FCRL6: variants seen among roughly 807,000 people sequenced by gnomAD.
FCRL6 encodes Fc receptor-like protein 6.
FCRL6 carries 50 observed loss-of-function variants against 49.1 expected under a neutral mutation model. The observed-to-expected ratio is 1.02, with a 90% confidence interval of 0.81 to 1.29. FCRL6 has a LOEUF of 1.29. FCRL6 is among the 50% of genes most tolerant of loss of function. FCRL6 has a pLI of 0.00. For synonymous variants in FCRL6, 213 were observed against 199.6 expected (o/e 1.07, Z -0.57); for missense variants, 571 against 518.5 (o/e 1.10, Z -0.98).
intron 3 of FCRL6, 64 bp downstream of exon 3, chr1:159,808,508 G>A (rs572934645): frequency 3.1e-5 from 50 of 1,589,348 alleles, no homozygotes; most frequent in East Asian, 4.5e-5. Context: ...GTTTCTAGAG[G>A]TCAGTAGCTC....
rs1456871826 is a variant in FCRL6 at position 159,809,661 on chromosome 1, G to A, written c.864G>A (p.Glu288=). 1 of 1,613,920 alleles carries A rather than the reference G, an allele frequency of 6.2e-7. No homozygotes were observed. The highest frequency in any genetic ancestry group is 2.2e-5 in the East Asian group (1 of 44,866). ...ACAGTGTCTCCAGAGAGAGGAGTGA[G>A]CCCAAGAAGCTGTCTCTGAAGGGTG... ...AENSVSRERS[E]PKKLSLKGSQ... is the part of the protein sequence containing the mutation. Residue 288 remains glutamate, a synonymous_variant, in exon 5 of 10, where the codon GAG becomes GAA. Transcript: ENST00000368106.
chr1:159,812,519 A>G (rs114952593), intron 6 of FCRL6, among the ~76,000 whole-genome samples: 137 of 152,326 alleles, frequency 9.0e-4, no homozygotes, highest in African/African-American at 3.2e-3. Context: ...TGCTTGTTTA[A>G]AAGTGTTCCT....
At position 159,814,219 on chromosome 1, in the gene FCRL6, A is replaced by G; in HGVS notation, c.1076-2A>G. ...CTATTTAAGCCTCATTCCTTCTTCC[A>G]GTGCATCACCAGAAAGGGAAAGATG... is the stretch of plus-strand genomic sequence containing the variant. On this transcript the variant is annotated splice_acceptor_variant, in intron 7 of 9. Coordinates refer to ENST00000368106, the MANE Select transcript of FCRL6 (RefSeq NM_001004310.3). LOFTEE classifies it high-confidence loss of function. 1.9e-6 allele frequency: 3 copies of G among 1,613,610 alleles called. No homozygotes were observed. The highest frequency in any genetic ancestry group is 2.5e-6 in the Non-Finnish European group (3 of 1,179,484).
intron 2 of FCRL6, among the ~76,000 whole-genome samples, chr1:159,807,581 G>GCTA (rs1662777505): frequency 6.6e-6 from 1 of 152,202 alleles, no homozygotes; most frequent in Non-Finnish European, 1.5e-5. Flanking sequence ...CCCTGCTGAG[G>GCTA]GTAGAGATGG....
chr1:159,806,736 G>A (rs1418126390), intron 2 of FCRL6, 120 bp downstream of exon 2: 1 of 1,009,060 alleles, frequency 9.9e-7, no homozygotes, highest in Non-Finnish European at 1.6e-6. Context: ...CACCAGACTA[G>A]GCCCCTTCCT....
At chr1:159,804,572 C>A (rs1034752001) in intron 1 of FCRL6, among the ~76,000 whole-genome samples, 2 of 152,222 alleles carry the variant, frequency 1.3e-5, no homozygotes, top group African/African-American at 2.4e-5. Context: ...GCCCTCATTG[C>A]AGGAACTGCT....
chr1:159,801,682 A>G (rs951457110), upstream of FCRL6, among the ~76,000 whole-genome samples: 4 of 152,090 alleles, frequency 2.6e-5, no homozygotes, highest in Non-Finnish European at 5.9e-5. Flanking sequence ...AGAAATTCTT[A>G]TATTTCTTCT....
intron 2 of FCRL6, 48 bp from the exon 3 acceptor site, chr1:159,808,130 C>T: frequency 6.4e-7 from 1 of 1,567,464 alleles, no homozygotes; most frequent in Non-Finnish European, 8.7e-7. Context: ...AGAGAAGTGA[C>T]TGATGGGACC....
At chr1:159,810,016 C>A in intron 5 of FCRL6, 78 bp from the exon 6 acceptor site, 1 of 1,518,916 alleles carries the variant, frequency 6.6e-7, no homozygotes, top group Non-Finnish European at 8.9e-7. Context: ...GTCATTCTGC[C>A]TGTTCTGTGC....
At chr1:159,800,665 T>C, upstream of FCRL6, 1 of 1,505,790 alleles carries the variant, frequency 6.6e-7, no homozygotes, top group South Asian at 1.2e-5. Context: ...TACTTTTCCC[T>C]CTTTCCTAAA....
Position 159,815,769 on chromosome 1 carries a change from G to C in FCRL6, c.*108G>C. ...GTGGGTCCTTCAGTTCCCAAGCCCA[G>C]CATCACAGAGCCCCCTGAGCCCTTG... On this transcript the variant is annotated 3_prime_UTR_variant, in exon 10 of 10. Transcript: ENST00000368106. 1 of 1,379,624 alleles carries C rather than the reference G, an allele frequency of 7.2e-7. No individual in the cohort carries two copies. The highest frequency in any genetic ancestry group is 1.0e-6 in the Non-Finnish European group (1 of 998,054). The allele number at this position is 1,379,624 out of a possible 1,614,324, so 85.5% of individuals were successfully genotyped here.
At position 159,814,248 on chromosome 1, in the gene FCRL6, G is replaced by T. The variant is rs1371570235; in HGVS notation, c.1103G>T (p.Gly368Val). The change falls in exon 8 of 10, where the codon GGT (glycine) becomes GTT (valine). Residue 368 changes from glycine to valine, a missense_variant. Physicochemically the swap from Gly to Val is moderately radical, Grantham distance 109 (BLOSUM62 -3). Coordinates refer to ENST00000368106, the MANE Select transcript of FCRL6 (RefSeq NM_001004310.3). Reference protein sequence around the residue: ...NVHHQKGKDEGVVYSVVHRTS... With the variant: ...NVHHQKGKDEVVVYSVVHRTS... ...CATCACCAGAAAGGGAAAGATGAAG[G>T]TGTTGTCTACTCTGTGGTGCATAGA... is the stretch of plus-strand genomic sequence containing the variant. 1 of 1,614,176 alleles carries T rather than the reference G, an allele frequency of 6.2e-7. No homozygotes were observed. Among genetic ancestry groups the T allele is most frequent in the East Asian group, 2.2e-5 (1 of 44,876 alleles).
At position 159,810,199 on chromosome 1, in the gene FCRL6, G is replaced by A. The variant is rs202072309; in HGVS notation, c.992G>A (p.Arg331Lys). Residue 331 changes from arginine (R) to lysine (K), a missense_variant, in exon 6 of 10, where the codon AGA becomes AAA. Arg to Lys is a conservative substitution (Grantham distance 26). Transcript: ENST00000368106. The part of the protein sequence containing the change: ...VIAAALLVYV[R>K]SWRKAGPLPS... ...GCTGCTGCACTTCTGGTTTATGTGA[G>A]ATCCTGGAGAAAAGCTGGTCAGTAA... The A allele has an allele frequency of 6.2e-7, 1 of 1,612,712 alleles. No individual in the cohort carries two copies. Among genetic ancestry groups the A allele is most frequent in the African/African-American group, 1.3e-5 (1 of 74,928 alleles).
intron 7 of FCRL6, 89 bp from the exon 8 acceptor site, chr1:159,814,132 G>C: frequency 8.1e-7 from 1 of 1,227,250 alleles, no homozygotes; most frequent in Non-Finnish European, 1.2e-6. Flanking sequence ...CAGAGCCCCT[G>C]ATGGGCTTCT....
At chr1:159,808,485 G>C in intron 3 of FCRL6, 41 bp downstream of exon 3, 1 of 1,612,608 alleles carries the variant, frequency 6.2e-7, no homozygotes, top group Admixed American at 1.7e-5. Context: ...AGGAGGTGCT[G>C]CTCAAGGGTC....
Position 159,806,580 on chromosome 1 carries a change from C to T in FCRL6, c.32-16C>T, listed in dbSNP as rs766425671. 2 of 1,612,454 alleles carry T rather than the reference C, an allele frequency of 1.2e-6. No homozygotes were observed. The highest frequency in any genetic ancestry group is 1.7e-5 in the Admixed American group (1 of 60,026). On this transcript the variant is annotated splice_polypyrimidine_tract_variant and intron_variant, in intron 1 of 9. Coordinates refer to ENST00000368106, the MANE Select transcript of FCRL6 (RefSeq NM_001004310.3). ...TTTGCTACTTAACCTAATTGTGTTA[C>T]TTTGTTCTCTTGCAGTTCCCTGTGT...
chr1:159,812,667 G>T (rs907722114), intron 6 of FCRL6, among the ~76,000 whole-genome samples: 2 of 152,104 alleles, frequency 1.3e-5, no homozygotes, highest in African/African-American at 4.8e-5. Flanking sequence ...TAATCACTGG[G>T]GATCTGTCTA....
In FCRL6 at chr1:159,809,626, G is replaced by A. The variant is rs369012140; in HGVS notation, c.829G>A (p.Glu277Lys). The stretch of plus-strand genomic sequence containing the variant: ...ACAGGATGCTGGGAACTACTCCTGC[G>A]AGGCTGAGAACAGTGTCTCCAGAGA... ...SEQDAGNYSC[E>K]AENSVSRERS... The change falls in exon 5 of 10, where the codon GAG becomes AAG. Residue 277 changes from glutamate (E) to lysine (K), a missense_variant. Glu to Lys is a moderately conservative substitution (Grantham distance 56). Transcript: ENST00000368106. 40 of 1,614,160 alleles carry A rather than the reference G, an allele frequency of 2.5e-5. No individual in the cohort carries two copies. Among genetic ancestry groups the A allele is most frequent in the African/African-American group, 1.9e-4 (14 of 75,022 alleles).
chr1:159,800,529 G>A (rs1662255365), upstream of FCRL6: 1 of 1,427,532 alleles, frequency 7.0e-7, no homozygotes, highest in Admixed American at 2.0e-5. Context: ...CACAGGACCT[G>A]CAGCTGAACG....
Sources: gnomAD v4.1 joint callset for allele counts (sites outside exome capture counted in the v4.1 genomes callset) on GRCh38, gnomAD v4.1.1 for gene constraint, MANE v1.5 for transcripts, NCBI Gene and HGNC (gene_info 2026-07-23, HGNC 2026-07-21) for gene names.